Variants in ARFGEF3 observed in about 807,000 individuals in gnomAD.
ARFGEF3 encodes ARFGEF family member 3.
ARFGEF3 carries 96 observed loss-of-function variants against 221.7 expected under a neutral mutation model. That is an observed-to-expected ratio of 0.43 (90% CI 0.37 to 0.51). The LOEUF is 0.51. Among genes scored for constraint, ARFGEF3 ranks in the 20% least tolerant of loss-of-function variants. The pLI is 0.00. For missense variants in ARFGEF3, 2,410 were observed against 2,789.9 expected, an observed-to-expected ratio of 0.86 and a Z score of 3.07; for synonymous variants, 1,145 against 1,126.8, an observed-to-expected ratio of 1.02 and a Z score of -0.32.
At chr6:138,327,465 C>A (rs1011396611) in intron 31 of ARFGEF3, among the ~76,000 whole-genome samples, 1 of 152,036 alleles carries the variant, frequency 6.6e-6, no homozygotes, top group Admixed American at 6.6e-5. Flanking sequence ...TATATATATT[C>A]TAATATTTCC....
chr6:138,183,628 C>T (rs944468209), intron 2 of ARFGEF3, among the ~76,000 whole-genome samples: 2 of 151,914 alleles, frequency 1.3e-5, no homozygotes, highest in African/African-American at 4.8e-5. Context: ...TGGTGCATGC[C>T]GGAAATGCAA....
Position 138,298,728 on chromosome 6 carries a change from C to A in ARFGEF3, c.3771C>A (p.Phe1257Leu). 1 of 1,613,560 alleles carries A rather than the reference C, an allele frequency of 6.2e-7. No homozygotes were observed. The highest frequency in any genetic ancestry group is 8.5e-7 in the Non-Finnish European group (1 of 1,179,736). Residue 1257 changes from phenylalanine to leucine, a missense_variant, in exon 22 of 34, where the codon TTC becomes TTA. By Grantham distance (22) the Phe-to-Leu change is conservative (BLOSUM62 0). This residue lies in a region of ARFGEF3 where 723 missense variants were observed against 991.9 expected (regional missense o/e 0.73). Coordinates refer to ENST00000251691, the MANE Select transcript of ARFGEF3 (RefSeq NM_020340.5). ...ATTTTCACTTCAATGAAGCACTCTT[C>A]CGACCTTTCGAGCGCATTATGCAGC... ...PPHFHFNEAL[F>L]RPFERIMQLE...
At chr6:138,290,235 G>A (rs928736496) in intron 18 of ARFGEF3, among the ~76,000 whole-genome samples, 35 of 152,170 alleles carry the variant, frequency 2.3e-4, no homozygotes, top group Non-Finnish European at 1.5e-5. Flanking sequence ...ATGAGAGAAG[G>A]AAGGAAGAAA....
chr6:138,181,384 GA>G (rs898567570), intron 2 of ARFGEF3, among the ~76,000 whole-genome samples: 1 of 152,062 alleles, frequency 6.6e-6, no homozygotes, highest in Non-Finnish European at 1.5e-5. Context: ...TAAATCCACT[GA>G]AAAAAATAAC....
At chr6:138,253,853 A>C in intron 8 of ARFGEF3, 27 bp from the exon 9 acceptor site, 6 of 1,528,962 alleles carry the variant, frequency 3.9e-6, no homozygotes, top group Non-Finnish European at 5.3e-6. Flanking sequence ...TTTTGTCTGC[A>C]TTTGTGTCGG....
intron 5 of ARFGEF3, 104 bp from the exon 6 acceptor site, chr6:138,238,405 T>G (rs1480661934): frequency 1.6e-5 from 20 of 1,216,846 alleles, no homozygotes; most frequent in Non-Finnish European, 2.3e-5. Context: ...AGGCTGACTT[T>G]CTGTTTAAGA....
rs747099029 is a variant in ARFGEF3 at position 138,194,989 on chromosome 6, A to ATTTTTTT, written c.138-12028_138-12022dup. 2.0e-3 allele frequency among the ~76,000 whole-genome samples: 169 copies of ATTTTTTT among 84,116 alleles called. 19 individuals carry two copies. Among genetic ancestry groups the ATTTTTTT allele is most frequent in the African/African-American group, 8.0e-3 (140 of 17,394 alleles). The allele number at this position is 84,116 out of a possible 152,430, so 55.2% of individuals were successfully genotyped here. A position where few individuals can be genotyped will look rare whatever the true frequency, so the allele number is the denominator to read the frequency against. ...TCAAACTAACTTCACCTTTTCCCTA[A>ATTTTTTT]TTTTTTTTTTTTTTTTTTTTTTTTT... On this transcript the variant is annotated intron_variant, in intron 2 of 33. Transcript: ENST00000251691.
At chr6:138,223,170 CA>C (rs1778013133) in intron 4 of ARFGEF3, among the ~76,000 whole-genome samples, 1 of 152,210 alleles carries the variant, frequency 6.6e-6, no homozygotes, top group South Asian at 2.1e-4. Flanking sequence ...CCCTTCACCC[CA>C]TAGAAGGGCA....
At chr6:138,214,873 T>C (rs1242842765) in intron 4 of ARFGEF3, among the ~76,000 whole-genome samples, 1 of 152,190 alleles carries the variant, frequency 6.6e-6, no homozygotes, top group Non-Finnish European at 1.5e-5. Context: ...ATGGTTTTAC[T>C]ATTTAACAGG....
At chr6:138,218,468 A>G in intron 4 of ARFGEF3, 2 of 1,459,732 alleles carry the variant, frequency 1.4e-6, no homozygotes, top group Non-Finnish European at 1.8e-6. Flanking sequence ...TACATCAATT[A>G]GCCACCTCGA....
chr6:138,297,337 G>A (rs1057441392), intron 21 of ARFGEF3, among the ~76,000 whole-genome samples: 4 of 152,130 alleles, frequency 2.6e-5, no homozygotes, highest in African/African-American at 7.2e-5. Flanking sequence ...TTTTCTAATA[G>A]CTAAATATAC....
rs11331667 is a variant in ARFGEF3 at position 138,320,945 on chromosome 6, C to CG, written c.4652-157dup. On this transcript the variant is annotated intron_variant, in intron 28 of 33. Coordinates refer to ENST00000251691, the MANE Select transcript of ARFGEF3 (RefSeq NM_020340.5). ...AAATTATTGTTTTACTGGGTTTTGG[C>CG]GGGGGGGGGCAGGAGGAGGATATGG... Among the ~76,000 whole-genome samples, 403 of 151,456 alleles carry CG rather than the reference C, an allele frequency of 2.7e-3. 2 individuals carry two copies. Among genetic ancestry groups the CG allele is most frequent in the Non-Finnish European group, 3.5e-3 (240 of 67,852 alleles).
intron 8 of ARFGEF3, among the ~76,000 whole-genome samples, chr6:138,251,967 G>T (rs1370328662): frequency 2.6e-5 from 4 of 152,142 alleles, no homozygotes; most frequent in Admixed American, 1.3e-4. Context: ...GCATAGGGAA[G>T]CTTGTAGGAC....
In ARFGEF3 at chr6:138,334,380, A is replaced by G; in HGVS notation, c.5534A>G (p.Asp1845Gly). 5 of 1,613,480 alleles carry G rather than the reference A, an allele frequency of 3.1e-6. No individual in the cohort carries two copies. Among genetic ancestry groups the G allele is most frequent in the Non-Finnish European group, 4.2e-6 (5 of 1,179,744 alleles). ...EQVKKVLFED[D>G]ERSTDSSQQC... ...GTGAAGAAGGTCCTTTTTGAGGACGACGAGAGAAGCACGGATTCTTCCCAG... is the reference window on the plus strand; with the variant it reads ...GTGAAGAAGGTCCTTTTTGAGGACGGCGAGAGAAGCACGGATTCTTCCCAG... Residue 1845 changes from aspartate (D) to glycine (G), a missense_variant, in exon 33 of 34, where the codon GAC (aspartate) becomes GGC (glycine). Coordinates refer to ENST00000251691, the MANE Select transcript of ARFGEF3 (RefSeq NM_020340.5). This position sits in a 1 kb window ranked among gnomAD's most constrained non-coding sequence, Gnocchi z 5.1.
At chr6:138,193,954 A>G (rs1476175550) in intron 2 of ARFGEF3, among the ~76,000 whole-genome samples, 1 of 152,150 alleles carries the variant, frequency 6.6e-6, no homozygotes, top group Non-Finnish European at 1.5e-5. Context: ...GTAGCTCTAC[A>G]GTTGCATAAG....
chr6:138,307,179 T>C, intron 22 of ARFGEF3, 74 bp from the exon 23 acceptor site: 1 of 1,493,418 alleles, frequency 6.7e-7, no homozygotes, highest in Non-Finnish European at 9.3e-7. Context: ...GACAGAGAAA[T>C]ACATCACCCT....
chr6:138,173,857 T>G (rs1776886514), intron 2 of ARFGEF3, among the ~76,000 whole-genome samples: 1 of 152,184 alleles, frequency 6.6e-6, no homozygotes, highest in Admixed American at 6.6e-5. Flanking sequence ...TTTACATATT[T>G]TCACCATTAT....
chr6:138,231,536 A>G lies in ARFGEF3; in HGVS notation c.420+1684A>G, dbSNP rs151232488. On this transcript the variant is annotated intron_variant, in intron 5 of 33. Transcript: ENST00000251691. The stretch of plus-strand genomic sequence containing the variant: ...CTCATAGTGTGGTTGTGCTGATTAG[A>G]CAAGAAAAATACAATCCATATAAAA... Among the ~76,000 whole-genome samples, 300 of 152,348 alleles carry G rather than the reference A, an allele frequency of 2.0e-3. 2 individuals are homozygous for G. Among genetic ancestry groups the G allele is most frequent in the African/African-American group, 7.0e-3 (289 of 41,578 alleles).
intron 23 of ARFGEF3, among the ~76,000 whole-genome samples, chr6:138,307,988 A>G (rs1779757451): frequency 6.6e-6 from 1 of 152,226 alleles, no homozygotes; most frequent in African/African-American, 2.4e-5. Context: ...TCTATGCACC[A>G]GCTTCCCTGT....
Sources: allele counts gnomAD v4.1 joint callset (sites outside exome capture counted in the v4.1 genomes callset), GRCh38; gene constraint gnomAD v4.1.1; regional missense constraint gnomAD v4.1.1; non-coding constraint Gnocchi (gnomAD v3.1); transcripts MANE v1.5; gene names NCBI Gene and HGNC (gene_info 2026-07-23, HGNC 2026-07-21).